Variants in CDH13 observed in about 807,000 individuals in gnomAD.
CDH13 encodes the protein cadherin-13.
Under a neutral mutation model 63.8 loss-of-function variants are expected in CDH13, and 24 were observed. The ratio of observed to expected loss-of-function variants is 0.38; its 90% CI spans 0.27 to 0.53. CDH13 has a LOEUF of 0.53. Among genes scored for constraint, CDH13 ranks in the 20% least tolerant of loss-of-function variants. The pLI, the probability that CDH13 is intolerant of heterozygous loss-of-function variation, is 0.85. For synonymous variants in CDH13, 503 were observed against 355.3 expected (o/e 1.42, Z -4.67); for missense variants, 1,049 against 903.1 (o/e 1.16, Z -2.07).
At chr16:83,674,352 G>A (rs1914773991) in intron 9 of CDH13, among the ~76,000 whole-genome samples, 1 of 152,186 alleles carries the variant, frequency 6.6e-6, no homozygotes. Context: ...ATCTTCCCAT[G>A]ATGCTGCATC....
intron 2 of CDH13, among the ~76,000 whole-genome samples, chr16:82,870,909 G>A (rs2040321131): frequency 6.6e-6 from 1 of 152,058 alleles, no homozygotes; most frequent in Admixed American, 6.5e-5. Context: ...AGCTTGCTAT[G>A]GCCCTCCAAT....
chr16:83,633,795 C>G (rs11861155), intron 8 of CDH13, among the ~76,000 whole-genome samples: 2,011 of 152,142 alleles, frequency 0.013, 69 homozygotes, highest in African/African-American at 0.046. Flanking sequence ...CTGTGGGAGC[C>G]CAAGTGCAAA....
At chr16:83,578,308 A>G (rs1287175934) in intron 7 of CDH13, among the ~76,000 whole-genome samples, 2 of 152,234 alleles carry the variant, frequency 1.3e-5, no homozygotes, top group Non-Finnish European at 2.9e-5. Flanking sequence ...TCTGGATGGG[A>G]AAATTTGCTG....
intron 1 of CDH13, among the ~76,000 whole-genome samples, chr16:82,790,131 T>C (rs2036224007): frequency 1.3e-5 from 2 of 152,120 alleles, no homozygotes; most frequent in African/African-American, 4.8e-5. Context: ...CACACACACG[T>C]ACCTTACAAA....
chr16:83,212,186 A>G (rs1275830019), intron 4 of CDH13, among the ~76,000 whole-genome samples: 3 of 152,088 alleles, frequency 2.0e-5, no homozygotes, highest in Admixed American at 6.6e-5. Context: ...GTCTGGAAAC[A>G]CACTTGATTT....
rs964585736 is a variant in CDH13, at chr16:82,665,363, T to G, written c.45+38226T>G. On this transcript the variant is annotated intron_variant, in intron 1 of 13. Coordinates refer to ENST00000567109, the MANE Select transcript of CDH13 (RefSeq NM_001257.5). ...GCTGCTGGCTGTGATAAATTTTAAG[T>G]AAGGCATCTTTAAACCGAGGCGCAC... Among the ~76,000 whole-genome samples, 5 of 152,266 alleles carry G rather than the reference T, an allele frequency of 3.3e-5. No homozygotes were observed. In the East Asian group the frequency reaches 5.8e-4, roughly 18 times the overall value.
At chr16:83,200,862 A>G (rs1253837250) in intron 4 of CDH13, among the ~76,000 whole-genome samples, 1 of 151,544 alleles carries the variant, frequency 6.6e-6, no homozygotes, top group African/African-American at 2.4e-5. Flanking sequence ...ATCCAAGTTG[A>G]TCTCATTGTA....
At chr16:83,519,363 C>G (rs1207997571) in intron 7 of CDH13, among the ~76,000 whole-genome samples, 2 of 152,126 alleles carry the variant, frequency 1.3e-5, no homozygotes, top group Non-Finnish European at 2.9e-5. Context: ...TTGGAGTCCC[C>G]AGAAGACAGC....
At chr16:83,365,259 G>A (rs576880125) in intron 6 of CDH13, among the ~76,000 whole-genome samples, 5 of 152,302 alleles carry the variant, frequency 3.3e-5, no homozygotes, top group East Asian at 1.9e-4. Flanking sequence ...GTTTAAGTCC[G>A]AAGGCTGGAG....
rs375033210 is a variant in CDH13 at position 83,745,202 on chromosome 16, G to A, written c.1539-2906G>A. Among the ~76,000 whole-genome samples the A allele has an allele frequency of 1.5e-3, 223 of 152,126 alleles. 1 individual carries two copies. Among genetic ancestry groups the A allele is most frequent in the Non-Finnish European group, 2.5e-3 (169 of 68,022 alleles). On this transcript the variant is annotated intron_variant, in intron 10 of 13. Coordinates refer to ENST00000567109, the MANE Select transcript of CDH13 (RefSeq NM_001257.5). ...TAATATTAAAGGGAGGCTGCACCCC[G>A]AGGCTGTTTTAGGAAAGAACAGGCC...
chr16:82,987,831 G>A (rs570491248), intron 2 of CDH13, among the ~76,000 whole-genome samples: 7 of 152,350 alleles, frequency 4.6e-5, no homozygotes, highest in African/African-American at 1.2e-4. Flanking sequence ...AGGATTTTGT[G>A]TTGGGTTGCC....
chr16:83,018,365 T>C lies in CDH13; in HGVS notation c.158-13645T>C, dbSNP rs544391915. On this transcript the variant is annotated intron_variant, in intron 2 of 13. Transcript: ENST00000567109. ...GCCGTTTATCCCTTACTGCCTACTG[T>C]CTTGTACATTGTAAGTGAAAAAATG... Among the ~76,000 whole-genome samples, 3 of 152,318 alleles carry C rather than the reference T, an allele frequency of 2.0e-5. No homozygotes were observed. In the East Asian group the frequency reaches 5.8e-4, roughly 29 times the overall value.
chr16:82,783,357 G>A (rs576032580), intron 1 of CDH13, among the ~76,000 whole-genome samples: 135 of 152,332 alleles, frequency 8.9e-4, no homozygotes, highest in African/African-American at 3.0e-3. Flanking sequence ...GGCTTTCTGC[G>A]ATGATGGAAG....
At chr16:83,481,691 C>A (rs1468918384) in intron 6 of CDH13, among the ~76,000 whole-genome samples, 1 of 152,114 alleles carries the variant, frequency 6.6e-6, no homozygotes, top group African/African-American at 2.4e-5. Context: ...TTTTCTTCCC[C>A]CTTTGGAGGA....
intron 1 of CDH13, among the ~76,000 whole-genome samples, chr16:82,730,841 CA>C (rs2151035463): frequency 6.6e-6 from 1 of 152,218 alleles, no homozygotes; most frequent in Admixed American, 6.5e-5. Context: ...GTTACATTTT[CA>C]TGAATTTTTC....
At position 82,833,851 on chromosome 16, in the gene CDH13, C is replaced by T. The variant is rs10492862; in HGVS notation, c.46-24511C>T. ...GCTGAGGGTTTCTTCCTGGTTGATG[C>T]GATTATAATGTGAAAAGATCGACAT... is the stretch of plus-strand genomic sequence containing the variant. On this transcript the variant is annotated intron_variant, in intron 1 of 13. Transcript: ENST00000567109. Among the ~76,000 whole-genome samples the T allele has an allele frequency of 3.6e-3, 549 of 152,020 alleles. 1 individual carries two copies. The highest frequency in any genetic ancestry group is 0.012 in the African/African-American group (512 of 41,448).
chr16:83,330,453 A>G (rs987908423), intron 5 of CDH13, among the ~76,000 whole-genome samples: 1 of 152,208 alleles, frequency 6.6e-6, no homozygotes, highest in Non-Finnish European at 1.5e-5. Context: ...CTGCAAGAGG[A>G]GACCCATCTA....
At chr16:83,358,144 G>A (rs763114567) in intron 6 of CDH13, among the ~76,000 whole-genome samples, 1 of 152,154 alleles carries the variant, frequency 6.6e-6, no homozygotes, top group African/African-American at 2.4e-5. Context: ...GCAGGTGTCC[G>A]TATGAAGACT....
intron 9 of CDH13, among the ~76,000 whole-genome samples, chr16:83,676,819 T>C (rs1005942649): frequency 3.9e-5 from 6 of 152,226 alleles, no homozygotes; most frequent in African/African-American, 1.4e-4. Flanking sequence ...GTAATTATTA[T>C]GAAAGTGACT....
Sources: allele counts gnomAD v4.1 joint callset (sites outside exome capture counted in the v4.1 genomes callset), GRCh38; gene constraint gnomAD v4.1.1; transcripts MANE v1.5; gene names NCBI Gene and HGNC (gene_info 2026-07-23, HGNC 2026-07-21).